DTD1: variants seen among roughly 807,000 people sequenced by gnomAD.
The protein encoded by DTD1 is D-tyrosyl-tRNA deacylase 1 homolog.
In DTD1, 13 loss-of-function variants were observed where a neutral mutation model predicts 25.6. The ratio of observed to expected loss-of-function variants is 0.51; its 90% CI spans 0.33 to 0.81. The LOEUF is 0.81. Among genes scored for constraint, DTD1 ranks in the 30% least tolerant of loss-of-function variants. The pLI, the probability that DTD1 is intolerant of heterozygous loss-of-function variation, is 0.02. For synonymous variants in DTD1, 110 were observed against 103.6 expected (o/e 1.06, Z -0.37); for missense variants, 193 against 266.4 (o/e 0.72, Z 1.92).
rs117218746 is a variant in DTD1, at chr20:18,709,135, C to T, written c.478-34965C>T. 7.8e-3 allele frequency among the ~76,000 whole-genome samples: 1,186 copies of T among 152,256 alleles called. 8 individuals carry two copies. The highest frequency in any genetic ancestry group is 0.012 in the Non-Finnish European group (849 of 68,012). On this transcript the variant is annotated intron_variant, in intron 4 of 5. Coordinates refer to ENST00000377452, the MANE Select transcript of DTD1 (RefSeq NM_080820.6). ...ATGTACAGAGCGTGTTATTTCCCAGCCTCTGTTATAGAATAAGACCCTTTG... is the reference window on the plus strand; with the variant it reads ...ATGTACAGAGCGTGTTATTTCCCAGTCTCTGTTATAGAATAAGACCCTTTG...
At chr20:18,598,190 C>T (rs2060619432) in intron 3 of DTD1, among the ~76,000 whole-genome samples, 2 of 151,878 alleles carry the variant, frequency 1.3e-5, no homozygotes, top group Admixed American at 6.6e-5. Flanking sequence ...CATGTGTTCT[C>T]CTTATTCAAC....
At chr20:18,632,386 CA>C (rs1568653116) in intron 4 of DTD1, 1 of 985,350 alleles carries the variant, frequency 1.0e-6, no homozygotes, top group East Asian at 1.1e-4. Flanking sequence ...CCTAGCTCTC[CA>C]GTAGGTGGCG....
intron 5 of DTD1, among the ~76,000 whole-genome samples, chr20:18,758,656 C>A (rs879459618): frequency 6.6e-6 from 1 of 152,070 alleles, no homozygotes; most frequent in Non-Finnish European, 1.5e-5. Flanking sequence ...GTAATTTGTT[C>A]TTTTACATTT....
At chr20:18,588,176 T>G (rs1568636888) in intron 1 of DTD1, 61 bp downstream of exon 1, 11 of 1,212,888 alleles carry the variant, frequency 9.1e-6, no homozygotes, top group Non-Finnish European at 1.1e-5. Flanking sequence ...CCGGCTGTCT[T>G]GCGTGGGGGG....
At chr20:18,679,411 G>A (rs950877367) in intron 4 of DTD1, among the ~76,000 whole-genome samples, 1 of 152,150 alleles carries the variant, frequency 6.6e-6, no homozygotes, top group Admixed American at 6.5e-5. Flanking sequence ...ATTTTAATTT[G>A]CCACTAGTGT....
chr20:18,717,896 C>A (rs898146794), intron 4 of DTD1, among the ~76,000 whole-genome samples: 3 of 152,094 alleles, frequency 2.0e-5, no homozygotes, highest in Non-Finnish European at 4.4e-5. Flanking sequence ...AGTTAGAATT[C>A]TCCTCTAAAC....
intron 4 of DTD1, among the ~76,000 whole-genome samples, chr20:18,651,348 A>G (rs969265203): frequency 2.6e-5 from 4 of 152,112 alleles, no homozygotes; most frequent in Non-Finnish European, 4.4e-5. Flanking sequence ...GAGGGGTTTC[A>G]CTATGTTGGG....
intron 5 of DTD1, among the ~76,000 whole-genome samples, chr20:18,754,419 C>T (rs1377656156): frequency 6.6e-6 from 1 of 152,202 alleles, no homozygotes; most frequent in Non-Finnish European, 1.5e-5. Flanking sequence ...TCAGGTGTCC[C>T]CAGCCTCTGG....
At chr20:18,629,249 G>A (rs1229334187) in intron 4 of DTD1, among the ~76,000 whole-genome samples, 1 of 149,260 alleles carries the variant, frequency 6.7e-6, no homozygotes, top group Non-Finnish European at 1.5e-5. Flanking sequence ...GCCTGCCACG[G>A]CCTCCCAAAG....
chr20:18,614,006 A>ATG (rs1425736733), intron 3 of DTD1, among the ~76,000 whole-genome samples: 1 of 152,206 alleles, frequency 6.6e-6, no homozygotes, highest in East Asian at 1.9e-4. Context: ...CAGTTTCGCC[A>ATG]TGTTGCCCAG....
intron 4 of DTD1, among the ~76,000 whole-genome samples, chr20:18,667,632 C>T (rs2060936738): frequency 1.3e-5 from 2 of 151,998 alleles, no homozygotes; most frequent in Admixed American, 6.6e-5. Context: ...TTCTTCCTTG[C>T]CCTGCCACAC....
chr20:18,719,066 T>A (rs1254999076), intron 4 of DTD1, among the ~76,000 whole-genome samples: 1 of 152,226 alleles, frequency 6.6e-6, no homozygotes, highest in Non-Finnish European at 1.5e-5. Flanking sequence ...AAGTTGAAAG[T>A]GCATTTTTGA....
At chr20:18,612,277 G>A (rs555871557) in intron 3 of DTD1, among the ~76,000 whole-genome samples, 1 of 151,734 alleles carries the variant, frequency 6.6e-6, no homozygotes. Flanking sequence ...CTCGTGATCC[G>A]CCCGCCTCGG....
chr20:18,749,189 G>T lies in DTD1; in HGVS notation c.*19+4918G>T, dbSNP rs1013952606. Reference sequence around the variant, plus strand: ...GGAGTGGGGGAATGGGGGTTGGGTTGCAGGAAACTTGGAAGCCGTGACAGG... The same window carrying T: ...GGAGTGGGGGAATGGGGGTTGGGTTTCAGGAAACTTGGAAGCCGTGACAGG... On this transcript the variant is annotated intron_variant, in intron 5 of 5. Transcript: ENST00000377452. The surrounding 1 kb of genome is among the most constrained non-coding windows in gnomAD (Gnocchi z 4.2). Among the ~76,000 whole-genome samples the T allele has an allele frequency of 6.6e-6, 1 of 152,184 alleles. No individual in the cohort carries two copies. The highest frequency in any genetic ancestry group is 2.4e-5 in the African/African-American group (1 of 41,448).
At chr20:18,759,818 C>T (rs1600227344) in intron 5 of DTD1, among the ~76,000 whole-genome samples, 1 of 152,310 alleles carries the variant, frequency 6.6e-6, no homozygotes, top group East Asian at 1.9e-4. Flanking sequence ...TGGATAATAT[C>T]CTGCAGCATG....
intron 5 of DTD1, among the ~76,000 whole-genome samples, chr20:18,756,037 T>C (rs1300488748): frequency 1.3e-5 from 2 of 151,824 alleles, no homozygotes; most frequent in East Asian, 1.9e-4. Context: ...ATGAGCATTT[T>C]TTCATGTGTC....
intron 4 of DTD1, among the ~76,000 whole-genome samples, chr20:18,685,630 A>G (rs1428180864): frequency 6.6e-6 from 1 of 152,206 alleles, no homozygotes; most frequent in Admixed American, 6.5e-5. Context: ...TTGTTGCTGC[A>G]TACTCAACTC....
At chr20:18,655,202 C>T (rs910113769) in intron 4 of DTD1, among the ~76,000 whole-genome samples, 4 of 152,174 alleles carry the variant, frequency 2.6e-5, no homozygotes, top group East Asian at 1.9e-4. Context: ...AATTTAGTAT[C>T]TTTGTTTTTC....
At chr20:18,761,525 G>A (rs1319673246) in intron 5 of DTD1, among the ~76,000 whole-genome samples, 1 of 151,914 alleles carries the variant, frequency 6.6e-6, no homozygotes, top group Non-Finnish European at 1.5e-5. Context: ...CATTTCTCTA[G>A]GTCATTCTTT....
Sources: allele counts gnomAD v4.1 joint callset (sites outside exome capture counted in the v4.1 genomes callset), GRCh38; gene constraint gnomAD v4.1.1; non-coding constraint Gnocchi (gnomAD v3.1); transcripts MANE v1.5; gene names NCBI Gene and HGNC (gene_info 2026-07-23, HGNC 2026-07-21).